Variants in FOXP1 observed in about 807,000 individuals in gnomAD.
FOXP1 encodes the protein forkhead box P1.
A neutral mutation model predicts 98.2 loss-of-function variants in FOXP1; 15 were observed. That is an observed-to-expected ratio of 0.15 (90% CI 0.10 to 0.24). FOXP1 has a LOEUF of 0.24. Ranked by LOEUF, FOXP1 falls within the 10% of genes least tolerant of loss-of-function variation. The probability of loss-of-function intolerance (pLI) is 1.00; values close to 1 mark genes in which losing one functional copy is unlikely to be tolerated. For synonymous variants in FOXP1, 371 were observed against 314.5 expected, an observed-to-expected ratio of 1.18 and a Z score of -1.90; for missense variants, 633 against 848.5, an observed-to-expected ratio of 0.75 and a Z score of 3.15.
intron 2 of FOXP1, among the ~76,000 whole-genome samples, chr3:71,539,689 CTTCT>C (rs2044634464): frequency 6.6e-6 from 1 of 152,112 alleles, no homozygotes; most frequent in Non-Finnish European, 1.5e-5. Flanking sequence ...GAGTTTTATA[CTTCT>C]TTTATTATAT....
intron 14 of FOXP1, among the ~76,000 whole-genome samples, chr3:70,983,164 A>G (rs931991220): frequency 1.3e-5 from 2 of 151,724 alleles, no homozygotes; most frequent in African/African-American, 4.8e-5. Context: ...TTCCTTTACC[A>G]TCTCAGCCTG....
chr3:71,523,826 A>G (rs1231634412), intron 2 of FOXP1, among the ~76,000 whole-genome samples: 1 of 151,774 alleles, frequency 6.6e-6, no homozygotes, highest in African/African-American at 2.4e-5. Flanking sequence ...TTCAAGTTTA[A>G]CTCCTTCTCT....
At chr3:71,240,775 G>C (rs947973598) in intron 5 of FOXP1, among the ~76,000 whole-genome samples, 1 of 151,474 alleles carries the variant, frequency 6.6e-6, no homozygotes, top group Non-Finnish European at 1.5e-5. Context: ...TCGATCTCCT[G>C]ACCTCATGAT....
chr3:71,547,657 C>A (rs1578128918), intron 2 of FOXP1, among the ~76,000 whole-genome samples: 1 of 152,328 alleles, frequency 6.6e-6, no homozygotes, highest in East Asian at 1.9e-4. Flanking sequence ...TGTGAACACA[C>A]AAAGTTCTTG....
At chr3:71,427,048 G>A (rs2084223156) in intron 3 of FOXP1, among the ~76,000 whole-genome samples, 1 of 145,908 alleles carries the variant, frequency 6.9e-6, no homozygotes. Context: ...GTGACAGAGC[G>A]AGACTCCATC....
intron 2 of FOXP1, among the ~76,000 whole-genome samples, chr3:71,496,157 A>T (rs939813876): frequency 1.3e-5 from 2 of 152,196 alleles, no homozygotes; most frequent in East Asian, 1.9e-4. Context: ...CAAAACAAAC[A>T]TGTTGCAATC....
rs917829837 is a variant in FOXP1, at chr3:71,343,964, A to G, written c.-73+15186T>C. 5.9e-5 allele frequency among the ~76,000 whole-genome samples: 9 copies of G among 152,332 alleles called. No individual in the cohort carries two copies. The East Asian group carries it at 1.7e-3, about 29-fold the overall frequency. ...AGCCGGGTTTTTTCATTGGTCTTAA[A>G]TAGATCTCTGTTTGGATATATTTTT... On this transcript the variant is annotated intron_variant, in intron 4 of 20. Transcript: ENST00000649528.
At chr3:71,257,294 GGA>G in intron 5 of FOXP1, among the ~76,000 whole-genome samples, 1 of 151,986 alleles carries the variant, frequency 6.6e-6, no homozygotes. Flanking sequence ...ACGCAGAATG[GGA>G]CCAGGCATGG....
chr3:71,270,907 G>T (rs2070284368), intron 5 of FOXP1, among the ~76,000 whole-genome samples: 1 of 152,228 alleles, frequency 6.6e-6, no homozygotes, highest in Admixed American at 6.5e-5. Context: ...TGCAAGATAT[G>T]AAGTAAATGC....
chr3:70,968,363 G>GTTTTTT (rs36077201), intron 19 of FOXP1: 11 of 119,238 alleles, frequency 9.2e-5, no homozygotes, highest in African/African-American at 9.1e-5. Flanking sequence ...CTAACAAAGT[G>GTTTTTT]TTTTTTTTTT....
intron 5 of FOXP1, among the ~76,000 whole-genome samples, chr3:71,265,688 T>C (rs967016940): frequency 6.6e-6 from 1 of 152,198 alleles, no homozygotes; most frequent in African/African-American, 2.4e-5. Context: ...CCTAGTAATG[T>C]ACACATGTTC....
chr3:71,532,690 T>G (rs1012809303), intron 2 of FOXP1, among the ~76,000 whole-genome samples: 1 of 152,128 alleles, frequency 6.6e-6, no homozygotes, highest in African/African-American at 2.4e-5. Flanking sequence ...GCCTCCCTCT[T>G]TTTTTTCTTT....
intron 3 of FOXP1, among the ~76,000 whole-genome samples, chr3:71,471,219 T>G (rs2089311163): frequency 6.6e-6 from 1 of 151,842 alleles, no homozygotes; most frequent in Non-Finnish European, 1.5e-5. Context: ...TTACATTGAA[T>G]AAACATACAC....
At chr3:71,031,230 T>C (rs1329284106) in intron 11 of FOXP1, among the ~76,000 whole-genome samples, 1 of 152,090 alleles carries the variant, frequency 6.6e-6, no homozygotes, top group Non-Finnish European at 1.5e-5. Context: ...CAAAGTACTG[T>C]AAAAAAAGCA....
At chr3:71,050,236 T>C (rs1056510734) in intron 9 of FOXP1, among the ~76,000 whole-genome samples, 1 of 152,200 alleles carries the variant, frequency 6.6e-6, no homozygotes, top group African/African-American at 2.4e-5. Flanking sequence ...TTTATCCTTC[T>C]TTCTGCTGTG....
chr3:71,203,027 C>T (rs2063771539), intron 5 of FOXP1, among the ~76,000 whole-genome samples: 1 of 152,162 alleles, frequency 6.6e-6, no homozygotes, highest in Non-Finnish European at 1.5e-5. Context: ...TGCCTTGCTC[C>T]ATGACATACT....
rs989137775 is a variant in FOXP1 at position 71,583,670 on chromosome 3, TCGCGCACACACG to T, written c.-558_-547del. 64 of 983,702 alleles carry T rather than the reference TCGCGCACACACG, an allele frequency of 6.5e-5. No individual in the cohort carries two copies. The highest frequency in any genetic ancestry group is 4.2e-4 in the South Asian group (9 of 21,186). 60.9% of individuals were successfully genotyped at this position (983,702 alleles called of 1,614,324 possible). ...GCGCGCACCCCGCGCACACACTCACTCGCGCACACACGCGCGCACACACGCACTCCCGGGCGA... is the reference window on the plus strand; with the variant it reads ...GCGCGCACCCCGCGCACACACTCACTCGCGCACACACGCACTCCCGGGCGA... On this transcript the variant is annotated 5_prime_UTR_variant, in exon 1 of 21. Coordinates refer to ENST00000649528, the MANE Select transcript of FOXP1 (RefSeq NM_001349338.3).
intron 3 of FOXP1, among the ~76,000 whole-genome samples, chr3:71,375,475 A>T (rs1307697575): frequency 2.0e-5 from 3 of 152,192 alleles, no homozygotes; most frequent in African/African-American, 7.2e-5. Context: ...ATATTTTTGT[A>T]TAGCATACCT....
At chr3:71,510,579 G>C (rs1187476834) in intron 2 of FOXP1, among the ~76,000 whole-genome samples, 1 of 152,182 alleles carries the variant, frequency 6.6e-6, no homozygotes, top group Non-Finnish European at 1.5e-5. Context: ...ACAATGGAAA[G>C]GCTTCCCCCT....
Sources: gnomAD v4.1 joint callset for allele counts (sites outside exome capture counted in the v4.1 genomes callset) on GRCh38, gnomAD v4.1.1 for gene constraint, MANE v1.5 for transcripts, NCBI Gene and HGNC (gene_info 2026-07-23, HGNC 2026-07-21) for gene names.